The following RPS3 variants were observed in gnomAD, a reference collection of about 807,000 sequenced individuals.
RPS3 encodes the protein ribosomal protein S3, also known as small ribosomal subunit protein uS3.
Under a neutral mutation model 25.8 loss-of-function variants are expected in RPS3, and 2 were observed. That is an observed-to-expected ratio of 0.08 (90% confidence interval 0.03 to 0.24). RPS3 has a LOEUF of 0.24. RPS3 is among the 10% of genes least tolerant of loss of function. RPS3 has a pLI of 1.00. For synonymous variants in RPS3, 114 were observed against 114.2 expected (o/e 1.00, Z 0.01); for missense variants, 107 against 307.1 (o/e 0.35, Z 4.87).
At chr11:75,415,333 TC>T (rs769508844) in intron 6 of RPS3, among the ~76,000 whole-genome samples, 3 of 152,228 alleles carry the variant, frequency 2.0e-5, no homozygotes, top group Non-Finnish European at 4.4e-5. Context: ...TTTCTGTGTT[TC>T]TTCTCTAGTG....
chr11:75,421,522 G>A (rs1024458959), intron 6 of RPS3, among the ~76,000 whole-genome samples: 15 of 152,136 alleles, frequency 9.9e-5, no homozygotes, highest in Non-Finnish European at 1.6e-4. Context: ...GTTTGTTGCT[G>A]CCCCTAGAGC....
At chr11:75,418,501 A>C (rs1948419052) in intron 6 of RPS3, among the ~76,000 whole-genome samples, 1 of 152,224 alleles carries the variant, frequency 6.6e-6, no homozygotes, top group African/African-American at 2.4e-5. Flanking sequence ...AAGGTAAAAA[A>C]ATTTTTTAAA....
chr11:75,415,925 G>A (rs1265483369), intron 6 of RPS3, among the ~76,000 whole-genome samples: 4 of 148,840 alleles, frequency 2.7e-5, no homozygotes, highest in South Asian at 2.1e-4. Context: ...GCAGTGAGCC[G>A]CGATCGTGCC....
rs568243099 is a variant in RPS3, at chr11:75,399,766, C to G, written c.30+189C>G. The G allele has an allele frequency of 6.1e-5, 36 of 588,746 alleles. No homozygotes were observed. The East Asian group carries it at 1.1e-3, about 18-fold the overall frequency. 36.5% of individuals were successfully genotyped at this position (588,746 alleles called of 1,614,324 possible). A position where few individuals can be genotyped will look rare whatever the true frequency, so the allele number is the denominator to read the frequency against. On this transcript the variant is annotated intron_variant, in intron 1 of 6. Coordinates refer to ENST00000531188, the MANE Select transcript of RPS3 (RefSeq NM_001005.5). ...CCCAGCCAGGAGGGCGCTGTGTGGCCGGGTTCCAAGTGAAGCGCAGAGAGA... is the reference window on the plus strand; with the variant it reads ...CCCAGCCAGGAGGGCGCTGTGTGGCGGGGTTCCAAGTGAAGCGCAGAGAGA...
At chr11:75,411,922 C>T (rs1948360587) in intron 6 of RPS3, among the ~76,000 whole-genome samples, 1 of 152,202 alleles carries the variant, frequency 6.6e-6, no homozygotes, top group South Asian at 2.1e-4. Context: ...TAGGGACAAC[C>T]ATTCAGCCTT....
rs1426851856 is a variant in RPS3 at position 75,406,603 on chromosome 11, A to G, written c.*993A>G. 1.3e-5 allele frequency: 2 copies of G among 152,204 alleles called. No homozygotes were observed. The highest frequency in any genetic ancestry group is 6.6e-5 in the Admixed American group (1 of 15,266). The allele number at this position is 152,204 out of a possible 1,614,324, so 9.4% of individuals were successfully genotyped here. A position where few individuals can be genotyped will look rare whatever the true frequency, so the allele number is the denominator to read the frequency against. The stretch of plus-strand genomic sequence containing the variant: ...TTTGAGGTAATTATGTAGGGCGTAC[A>G]CTGACAAGTATCTGACCCCCCCTTC... On this transcript the variant is annotated 3_prime_UTR_variant, in exon 7 of 7. Transcript: ENST00000531188.
In RPS3 at chr11:75,401,593, AC is replaced by A. The variant is rs765683171; in HGVS notation, c.162-46del. ...ACACATATATGCAAGATTTAAAGTT[AC>A]ATCTAGCATTTGTGAGAATCTTGAA... On this transcript the variant is annotated intron_variant, in intron 2 of 6. Coordinates refer to ENST00000531188, the MANE Select transcript of RPS3 (RefSeq NM_001005.5). 11 of 1,259,940 alleles carry A rather than the reference AC, an allele frequency of 8.7e-6. 1 individual carries two copies. The South Asian group carries it at 1.3e-4, about 15-fold the overall frequency. The allele number at this position is 1,259,940 out of a possible 1,614,324, so 78.0% of individuals were successfully genotyped here.
At position 75,401,712 on chromosome 11, in the gene RPS3, C is replaced by T. The variant is rs11546232; in HGVS notation, c.234C>T (p.Gly78=). 1 of 1,609,468 alleles carries T rather than the reference C, an allele frequency of 6.2e-7. No homozygotes were observed. The part of the protein sequence containing the change: ...ELTAVVQKRF[G]FPEGSVELYA... ...CTGCTGTAGTTCAGAAGAGGTTTGG[C>T]TTTCCAGAGGGCAGTGTAGAGGTGA... The change falls in exon 3 of 7, where the codon GGC becomes GGT. Residue 78 remains glycine (G), a synonymous_variant. Transcript: ENST00000531188.
Position 75,399,544 on chromosome 11 carries a change from C to G in RPS3, c.-4C>G. 6.2e-7 allele frequency: 1 copy of G among 1,613,988 alleles called. No homozygotes were observed. The highest frequency in any genetic ancestry group is 8.5e-7 in the Non-Finnish European group (1 of 1,179,950). On this transcript the variant is annotated 5_prime_UTR_variant, in exon 1 of 7. Coordinates refer to ENST00000531188, the MANE Select transcript of RPS3 (RefSeq NM_001005.5). ...CTTTCCTTTCAGCGGAGCGCGGCGGCAAGATGGCAGTGCAAATATCCAAGA... is the reference window on the plus strand; with the variant it reads ...CTTTCCTTTCAGCGGAGCGCGGCGGGAAGATGGCAGTGCAAATATCCAAGA...
At chr11:75,413,555 C>A (rs1174116216) in intron 6 of RPS3, among the ~76,000 whole-genome samples, 2 of 152,232 alleles carry the variant, frequency 1.3e-5, no homozygotes, top group Non-Finnish European at 2.9e-5. Flanking sequence ...CGCGCCCAGC[C>A]CTTCTTGTAT....
intron 2 of RPS3, 42 bp from the exon 3 acceptor site, chr11:75,401,598 T>C: frequency 7.7e-7 from 1 of 1,291,586 alleles, no homozygotes; most frequent in Non-Finnish European, 1.1e-6. Flanking sequence ...AAGTTACATC[T>C]AGCATTTGTG....
chr11:75,416,517 G>A (rs1948401186), intron 6 of RPS3, among the ~76,000 whole-genome samples: 1 of 141,196 alleles, frequency 7.1e-6, no homozygotes, highest in Non-Finnish European at 1.5e-5. Flanking sequence ...GGAGTACAGT[G>A]GCATGATCTC....
chr11:75,410,328 A>T (rs1192856498), downstream of RPS3, among the ~76,000 whole-genome samples: 1 of 151,536 alleles, frequency 6.6e-6, no homozygotes, highest in Non-Finnish European at 1.5e-5. Flanking sequence ...GGCCGGGCAG[A>T]GGCGCTCCTC....
intron 2 of RPS3, among the ~76,000 whole-genome samples, chr11:75,401,404 C>T (rs564142708): frequency 6.6e-6 from 1 of 152,054 alleles, no homozygotes; most frequent in Non-Finnish European, 1.5e-5. Context: ...GAGGCTGAAG[C>T]AGGCGATGGC....
Position 75,404,568 on chromosome 11 carries a change from T to C in RPS3, c.539-104T>C. The C allele has an allele frequency of 2.7e-6, 3 of 1,126,520 alleles. No individual in the cohort carries two copies. Among genetic ancestry groups the C allele is most frequent in the Non-Finnish European group, 4.1e-6 (3 of 736,150 alleles). The allele number at this position is 1,126,520 out of a possible 1,614,324, so 69.8% of individuals were successfully genotyped here. A position where few individuals can be genotyped will look rare whatever the true frequency, so the allele number is the denominator to read the frequency against. Reference sequence around the variant, plus strand: ...TTTAGAGGCATTTGTCTGAGAAGGGTCCAGACCCAGGGGTGCTTGAGTAAA... The same window carrying C: ...TTTAGAGGCATTTGTCTGAGAAGGGCCCAGACCCAGGGGTGCTTGAGTAAA... On this transcript the variant is annotated intron_variant, in intron 5 of 6. Transcript: ENST00000531188. The surrounding 1 kb of genome is among the most constrained non-coding windows in gnomAD (Gnocchi z 4.6).
downstream of RPS3, among the ~76,000 whole-genome samples, chr11:75,411,429 G>A (rs538957762): frequency 4.0e-5 from 6 of 150,946 alleles, no homozygotes; most frequent in East Asian, 5.9e-4. Context: ...TCGCTCTGTC[G>A]CCCAGGCTGG....
intron 6 of RPS3, among the ~76,000 whole-genome samples, chr11:75,417,659 G>A (rs1948410742): frequency 6.6e-6 from 1 of 152,200 alleles, no homozygotes; most frequent in African/African-American, 2.4e-5. Context: ...CTCAGCTACT[G>A]GGAGGCTGAG....
rs747633144 is a variant in RPS3 at position 75,404,547 on chromosome 11, G to C, written c.539-125G>C. The C allele has an allele frequency of 2.0e-5, 18 of 913,572 alleles. No individual in the cohort carries two copies. In the Admixed American group the frequency reaches 3.0e-4, roughly 15 times the overall value. The allele number at this position is 913,572 out of a possible 1,614,324, so 56.6% of individuals were successfully genotyped here. ...AGTGTCCTATTTATTGATCGATTTA[G>C]AGGCATTTGTCTGAGAAGGGTCCAG... is the stretch of plus-strand genomic sequence containing the variant. On this transcript the variant is annotated intron_variant, in intron 5 of 6. Transcript: ENST00000531188. The surrounding 1 kb of genome is among the most constrained non-coding windows in gnomAD (Gnocchi z 4.6).
chr11:75,399,836 C>T, intron 1 of RPS3: 1 of 549,540 alleles, frequency 1.8e-6, no homozygotes, highest in East Asian at 3.2e-5. Flanking sequence ...CGTTTGTGAG[C>T]ATTTGTCGGT....
Sources: gnomAD v4.1 joint callset for allele counts (sites outside exome capture counted in the v4.1 genomes callset) on GRCh38, gnomAD v4.1.1 for gene constraint, Gnocchi (gnomAD v3.1) non-coding constraint, MANE v1.5 for transcripts, NCBI Gene and HGNC (gene_info 2026-07-23, HGNC 2026-07-21) for gene names.